The following THSD4 variants were observed in gnomAD, a reference collection of about 807,000 sequenced individuals.
The protein encoded by THSD4 is thrombospondin type-1 domain-containing protein 4.
THSD4 carries 69 observed loss-of-function variants against 119.0 expected under a neutral mutation model. The ratio of observed to expected loss-of-function variants is 0.58; its 90% CI spans 0.48 to 0.71. THSD4 has a LOEUF of 0.71. Among genes scored for constraint, THSD4 ranks in the 30% least tolerant of loss-of-function variants. THSD4 has a pLI of 0.00. For synonymous variants in THSD4, 524 were observed against 540.4 expected (o/e 0.97, Z 0.42); for missense variants, 1,393 against 1,391.1 (o/e 1.00, Z -0.02).
chr15:71,649,192 CCT>C (rs1271799856), intron 7 of THSD4, among the ~76,000 whole-genome samples: 3 of 152,164 alleles, frequency 2.0e-5, no homozygotes, highest in African/African-American at 7.2e-5. Context: ...CTCTCCCTTT[CCT>C]CTCTGTCCCT....
intron 6 of THSD4, among the ~76,000 whole-genome samples, chr15:71,311,120 G>A (rs903706583): frequency 1.3e-5 from 2 of 152,120 alleles, no homozygotes; most frequent in Non-Finnish European, 2.9e-5. Context: ...CTTGGGTTTG[G>A]TCCTAATTTT....
chr15:71,594,164 ACT>A (rs1211819019), intron 7 of THSD4, among the ~76,000 whole-genome samples: 5 of 145,972 alleles, frequency 3.4e-5, no homozygotes, highest in African/African-American at 1.3e-4. Context: ...GATCCACTGG[ACT>A]CTTATTTCCT....
intron 7 of THSD4, among the ~76,000 whole-genome samples, chr15:71,625,168 C>T (rs934848938): frequency 5.3e-5 from 8 of 152,030 alleles, no homozygotes; most frequent in Admixed American, 3.9e-4. Flanking sequence ...TACCACCCCC[C>T]GGCTAATTTT....
chr15:71,695,007 C>G (rs1048690951), intron 8 of THSD4, among the ~76,000 whole-genome samples: 7 of 152,128 alleles, frequency 4.6e-5, no homozygotes, highest in Non-Finnish European at 8.8e-5. Flanking sequence ...CCTTCTGTGC[C>G]CCTTGAATTC....
intron 2 of THSD4, among the ~76,000 whole-genome samples, chr15:71,150,798 G>A (rs1236036628): frequency 6.6e-6 from 1 of 152,168 alleles, no homozygotes; most frequent in African/African-American, 2.4e-5. Context: ...AAAAGCTCCC[G>A]AAGTGGCTTT....
chr15:71,670,479 T>G (rs573215094), intron 8 of THSD4, among the ~76,000 whole-genome samples: 4 of 151,412 alleles, frequency 2.6e-5, no homozygotes, highest in African/African-American at 7.3e-5. Context: ...TTGTTTGTTT[T>G]TTTTTAGATT....
At chr15:71,357,204 C>T (rs962820776) in intron 6 of THSD4, among the ~76,000 whole-genome samples, 5 of 152,346 alleles carry the variant, frequency 3.3e-5, no homozygotes, top group Admixed American at 6.5e-5. Context: ...GCTGGCCCCA[C>T]GGCTTGTGAT....
chr15:71,561,118 G>T (rs2049108727), intron 7 of THSD4, among the ~76,000 whole-genome samples: 1 of 151,996 alleles, frequency 6.6e-6, no homozygotes, highest in Non-Finnish European at 1.5e-5. Context: ...GGGACTACAG[G>T]CGCCTGCCAC....
chr15:71,514,202 G>A (rs2048322188), intron 7 of THSD4, among the ~76,000 whole-genome samples: 1 of 152,172 alleles, frequency 6.6e-6, no homozygotes, highest in South Asian at 2.1e-4. Context: ...GCAGAAGGAA[G>A]GCAGGTAAGG....
At chr15:71,377,889 C>CACACACACACACACACACACACAA (rs2046166250) in intron 6 of THSD4, among the ~76,000 whole-genome samples, 9 of 84,080 alleles carry the variant, frequency 1.1e-4, no homozygotes, top group Middle Eastern at 5.5e-3. Context: ...CACACACACA[C>CACACACACACACACACACACACAA]ACACACACAC....
At chr15:71,390,675 G>T (rs909875226) in intron 6 of THSD4, among the ~76,000 whole-genome samples, 1 of 152,000 alleles carries the variant, frequency 6.6e-6, no homozygotes, top group Non-Finnish European at 1.5e-5. Context: ...GAGTTACCTA[G>T]CAATTTTCCT....
chr15:71,425,254 T>A (rs1384408551), intron 7 of THSD4, among the ~76,000 whole-genome samples: 2 of 152,210 alleles, frequency 1.3e-5, no homozygotes, highest in African/African-American at 2.4e-5. Flanking sequence ...CAGAGGGCTA[T>A]CCTGAAGATG....
chr15:71,372,864 T>C (rs925345965), intron 6 of THSD4, among the ~76,000 whole-genome samples: 2 of 152,244 alleles, frequency 1.3e-5, no homozygotes, highest in African/African-American at 2.4e-5. Context: ...AGCTATGCCC[T>C]GCCTGCAGAG....
At chr15:71,652,132 C>G (rs2051102867) in intron 7 of THSD4, among the ~76,000 whole-genome samples, 2 of 152,168 alleles carry the variant, frequency 1.3e-5, no homozygotes, top group African/African-American at 4.8e-5. Flanking sequence ...GATAATCTAG[C>G]CTCCAGAACT....
rs922197015 is a variant in THSD4 at position 71,215,275 on chromosome 15, C to G, written c.340C>G (p.Leu114Val). 2.0e-6 allele frequency: 3 copies of G among 1,518,254 alleles called. No homozygotes were observed. The highest frequency in any genetic ancestry group is 4.0e-5 in the Admixed American group (2 of 50,050). The allele number at this position is 1,518,254 out of a possible 1,614,324, so 94.0% of individuals were successfully genotyped here. A position where few individuals can be genotyped will look rare whatever the true frequency, so the allele number is the denominator to read the frequency against. The change falls in exon 4 of 18, where the codon CTG becomes GTG. Residue 114 changes from leucine to valine, a missense_variant. By Grantham distance (32) the Leu-to-Val change is conservative. Transcript: ENST00000261862. The stretch of plus-strand genomic sequence containing the variant: ...GTCGGCGGTGCGCACGTCGGTGCCA[C>G]TGCACCGGAGCCGCGACGAGACGCC... ...VVSAVRTSVP[L>V]HRSRDETPAL...
At chr15:71,617,085 A>G (rs977078835) in intron 7 of THSD4, among the ~76,000 whole-genome samples, 4 of 152,194 alleles carry the variant, frequency 2.6e-5, no homozygotes, top group Non-Finnish European at 4.4e-5. Flanking sequence ...ATTGATTCAT[A>G]TTGCATCATG....
At chr15:71,598,431 A>G (rs1206006791) in intron 7 of THSD4, among the ~76,000 whole-genome samples, 3 of 152,148 alleles carry the variant, frequency 2.0e-5, no homozygotes, top group Non-Finnish European at 4.4e-5. Context: ...GGTATACGTG[A>G]TATCAAGTAT....
At chr15:71,261,208 G>C (rs1282584274) in intron 6 of THSD4, among the ~76,000 whole-genome samples, 1 of 152,076 alleles carries the variant, frequency 6.6e-6, no homozygotes, top group Non-Finnish European at 1.5e-5. Context: ...CCCACACAGA[G>C]AGCACCATGG....
intron 6 of THSD4, among the ~76,000 whole-genome samples, chr15:71,352,354 A>T (rs1316394649): frequency 4.6e-5 from 7 of 152,198 alleles, no homozygotes; most frequent in Non-Finnish European, 1.0e-4. Flanking sequence ...CAAAGCCCTG[A>T]CGGTTGCCAG....
Sources: gnomAD v4.1 joint callset for allele counts (sites outside exome capture counted in the v4.1 genomes callset) on GRCh38, gnomAD v4.1.1 for gene constraint, MANE v1.5 for transcripts, NCBI Gene and HGNC (gene_info 2026-07-23, HGNC 2026-07-21) for gene names.